Variants in CATSPERG observed in about 807,000 individuals in gnomAD.
CATSPERG encodes the protein cation channel sperm-associated auxiliary subunit gamma.
A neutral mutation model predicts 145.0 loss-of-function variants in CATSPERG; 115 were observed. The ratio of observed to expected loss-of-function variants is 0.79; its 90% CI spans 0.68 to 0.93. The LOEUF (loss-of-function observed/expected upper bound fraction) is 0.93. Among genes scored for constraint, CATSPERG ranks in the 40% least tolerant of loss-of-function variants. The pLI is 0.00. For missense variants in CATSPERG, 1,296 were observed against 1,490.1 expected, an observed-to-expected ratio of 0.87 and a Z score of 2.14; for synonymous variants, 588 against 589.0, an observed-to-expected ratio of 1.00 and a Z score of 0.02.
chr19:38,367,517 C>T lies in CATSPERG; in HGVS notation c.2779C>T (p.Pro927Ser), dbSNP rs1485522698. ...CCCCTCCAACCCCATAGTTTTCTAC[C>T]CCTTCTTCTTGATTCAAGATTTGGT... The part of the protein sequence containing the change: ...PCFLFRDIFY[P>S]FFLIQDLVTG... The change falls in exon 24 of 29, where the codon CCC (proline) becomes TCC (serine). Residue 927 changes from proline to serine, a missense_variant. Coordinates refer to ENST00000409235, the MANE Select transcript of CATSPERG (RefSeq NM_021185.5). The T allele has an allele frequency of 6.2e-7, 1 of 1,614,038 alleles. No homozygotes were observed. Among genetic ancestry groups the T allele is most frequent in the Admixed American group, 1.7e-5 (1 of 60,000 alleles).
intron 3 of CATSPERG, 40 bp from the exon 4 acceptor site, chr19:38,343,540 C>T: frequency 6.7e-7 from 1 of 1,502,018 alleles, no homozygotes; most frequent in South Asian, 1.3e-5. Context: ...CACCCAGAGG[C>T]TACCATAAGG....
rs1315402506 is a variant in CATSPERG at position 38,354,972 on chromosome 19, A to T, written c.1135+125A>T. On this transcript the variant is annotated intron_variant, in intron 9 of 28. Coordinates refer to ENST00000409235, the MANE Select transcript of CATSPERG (RefSeq NM_021185.5). ...GAGGAGGGCCCCTAGGCTGAGGGTG[A>T]TGGTGGTGGTGGAGGGATGCGTTTG... 4 of 1,117,410 alleles carry T rather than the reference A, an allele frequency of 3.6e-6. No individual in the cohort carries two copies. The African/African-American group carries it at 6.3e-5, about 18-fold the overall frequency. 69.2% of individuals were successfully genotyped at this position (1,117,410 alleles called of 1,614,324 possible). A position where few individuals can be genotyped will look rare whatever the true frequency, so the allele number is the denominator to read the frequency against.
chr19:38,344,758 A>G (rs1970001159), intron 6 of CATSPERG, among the ~76,000 whole-genome samples: 1 of 103,524 alleles, frequency 9.7e-6, no homozygotes, highest in South Asian at 3.4e-4. Flanking sequence ...ATACATATAT[A>G]GTACATACCT....
At chr19:38,344,410 T>G in intron 6 of CATSPERG, 42 bp downstream of exon 6, 1 of 1,512,010 alleles carries the variant, frequency 6.6e-7, no homozygotes, top group Non-Finnish European at 9.0e-7. Flanking sequence ...GGTCTGGGCC[T>G]TAGGCTGACG....
rs200358034 is a variant in CATSPERG, at chr19:38,370,772, G to T, written c.3460G>T (p.Glu1154Ter). 160 of 1,613,814 alleles carry T rather than the reference G, an allele frequency of 9.9e-5. No individual in the cohort carries two copies. Among genetic ancestry groups the T allele is most frequent in the Non-Finnish European group, 1.3e-4 (150 of 1,179,954 alleles). ...CAGGGCTGAACCCAAGGAAGCCGTG[G>T]AGAGACAGTTGATGACCTGAGTGTC... ...EDRAEPKEAV[E>*]RQLMT is the part of the protein sequence containing the mutation. The change falls in exon 29 of 29, where the codon GAG becomes TAG. Residue 1154 changes from glutamate (E) to a stop codon, truncating the protein, a stop_gained. Coordinates refer to ENST00000409235, the MANE Select transcript of CATSPERG (RefSeq NM_021185.5). LOFTEE classifies it low-confidence loss of function (END_TRUNC).
chr19:38,344,070 C>A lies in CATSPERG; in HGVS notation c.547C>A (p.Arg183Ser). Residue 183 changes from arginine (R) to serine (S), a missense_variant, in exon 5 of 29, where the codon CGT becomes AGT. By Grantham distance (110) the Arg-to-Ser change is moderately radical. Coordinates refer to ENST00000409235, the MANE Select transcript of CATSPERG (RefSeq NM_021185.5). ...CATCAAGAAAGGCAGTGTGGTCATG[C>A]GTGTGGACATCAGCAGCAATGGCCT... ...MPIKKGSVVMRVDISSNGLGT... is the reference protein window; with the variant it reads ...MPIKKGSVVMSVDISSNGLGT... 6.4e-7 allele frequency: 1 copy of A among 1,551,542 alleles called. No individual in the cohort carries two copies. Among genetic ancestry groups the A allele is most frequent in the Non-Finnish European group, 8.7e-7 (1 of 1,146,900 alleles).
At chr19:38,352,493 A>T in intron 8 of CATSPERG, 61 bp downstream of exon 8, 1 of 1,440,768 alleles carries the variant, frequency 6.9e-7, no homozygotes, top group Non-Finnish European at 9.4e-7. Flanking sequence ...CCCTCCACTG[A>T]AGGTGGCTGG....
intron 28 of CATSPERG, 107 bp downstream of exon 28, chr19:38,370,365 C>A: frequency 1.4e-6 from 2 of 1,385,970 alleles, no homozygotes; most frequent in Non-Finnish European, 2.0e-6. Flanking sequence ...ACTCATCTAG[C>A]CATGCTGACT....
At chr19:38,368,905 C>T (rs1442534030) in intron 26 of CATSPERG, among the ~76,000 whole-genome samples, 3 of 152,170 alleles carry the variant, frequency 2.0e-5, no homozygotes, top group Admixed American at 1.3e-4. Context: ...TCAGGTGATC[C>T]GCCTGCCTCA....
At chr19:38,356,992 A>G in intron 11 of CATSPERG, 131 bp downstream of exon 11, 1 of 1,188,950 alleles carries the variant, frequency 8.4e-7, no homozygotes, top group Non-Finnish European at 1.2e-6. Context: ...CTCCTGGTTG[A>G]GGAGTAGCAG....
chr19:38,343,863 A>G, intron 4 of CATSPERG, 130 bp from the exon 5 acceptor site: 1 of 1,381,510 alleles, frequency 7.2e-7, no homozygotes, highest in South Asian at 1.3e-5. Flanking sequence ...GGGGCCACAC[A>G]GAGGCCCCAG....
Position 38,367,601 on chromosome 19 carries a change from G to A in CATSPERG, c.2834+29G>A, listed in dbSNP as rs199950868. 5.0e-6 allele frequency: 8 copies of A among 1,613,358 alleles called. No individual in the cohort carries two copies. The Admixed American group carries it at 1.2e-4, about 24-fold the overall frequency. On this transcript the variant is annotated intron_variant, in intron 24 of 28. Transcript: ENST00000409235. ...AAGGCGTGGCCAGCTTGCAGCTAGG[G>A]CAGGTGGAGGGAGTGGAAGGAGATG...
chr19:38,365,519 G>T (rs12461248), intron 22 of CATSPERG: 7,494 of 186,544 alleles, frequency 0.04, 289 homozygotes, highest in East Asian at 0.13. Flanking sequence ...TGATCCACCC[G>T]CCTCAGCCTC....
chr19:38,349,848 A>G (rs759859287), intron 7 of CATSPERG, among the ~76,000 whole-genome samples: 1 of 151,924 alleles, frequency 6.6e-6, no homozygotes, highest in Non-Finnish European at 1.5e-5. Flanking sequence ...TATTTTTAGT[A>G]GAGATGGGGT....
Position 38,356,777 on chromosome 19 carries a change from G to T in CATSPERG, c.1231G>T (p.Ala411Ser). Residue 411 changes from alanine (A) to serine (S), a missense_variant, in exon 11 of 29, where the codon GCG becomes TCG. Transcript: ENST00000409235. ...CTCCATAATTTGGTCTGAATACATC[G>T]CGGGTGAGTATACTCTACTGCTGCT... is the stretch of plus-strand genomic sequence containing the variant. ...TCSIIWSEYIAGEYTLLLLVE... is the reference protein window; with the variant it reads ...TCSIIWSEYISGEYTLLLLVE... The T allele has an allele frequency of 3.1e-6, 5 of 1,614,150 alleles. No individual in the cohort carries two copies. Among genetic ancestry groups the T allele is most frequent in the Non-Finnish European group, 4.2e-6 (5 of 1,180,014 alleles).
chr19:38,363,150 T>C (rs1027621699), intron 20 of CATSPERG, among the ~76,000 whole-genome samples: 1 of 152,144 alleles, frequency 6.6e-6, no homozygotes, highest in African/African-American at 2.4e-5. Flanking sequence ...CCGAGTCTCC[T>C]GCCTCAGCCT....
In CATSPERG at chr19:38,370,248, T is replaced by G; in HGVS notation, c.3203T>G (p.Phe1068Cys). The G allele has an allele frequency of 6.2e-7, 1 of 1,613,326 alleles. No homozygotes were observed. Among genetic ancestry groups the G allele is most frequent in the African/African-American group, 1.3e-5 (1 of 75,054 alleles). Reference protein sequence around the residue: ...GLPLSPKRALFIIMVSASVFV... With the variant: ...GLPLSPKRALCIIMVSASVFV... ...CCACTCAGTCCCAAGCGGGCCCTTT[T>G]CATCATCATGGTGAGTGGCTGTCCG... The change falls in exon 28 of 29, where the codon TTC (phenylalanine) becomes TGC (cysteine). Residue 1068 changes from phenylalanine to cysteine, a missense_variant. By Grantham distance (205) the Phe-to-Cys change is radical. Coordinates refer to ENST00000409235, the MANE Select transcript of CATSPERG (RefSeq NM_021185.5).
chr19:38,344,572 C>T (rs1036113831), intron 6 of CATSPERG, among the ~76,000 whole-genome samples: 5 of 151,946 alleles, frequency 3.3e-5, no homozygotes, highest in African/African-American at 1.2e-4. Flanking sequence ...AAACTGAGGT[C>T]CCAAAGGGAT....
chr19:38,347,663 C>T (rs925451786), intron 7 of CATSPERG, among the ~76,000 whole-genome samples: 8 of 152,002 alleles, frequency 5.3e-5, no homozygotes, highest in Non-Finnish European at 1.2e-4. Flanking sequence ...CACCCACAGC[C>T]GGTGCAGTGG....
Sources: gnomAD v4.1 joint callset for allele counts (sites outside exome capture counted in the v4.1 genomes callset) on GRCh38, gnomAD v4.1.1 for gene constraint, MANE v1.5 for transcripts, NCBI Gene and HGNC (gene_info 2026-07-23, HGNC 2026-07-21) for gene names.